Variants in TNR observed in about 807,000 individuals in gnomAD.
TNR encodes tenascin-R.
Under a neutral mutation model 150.4 loss-of-function variants are expected in TNR, and 45 were observed. That is an observed-to-expected ratio of 0.30 (90% CI 0.24 to 0.38). The LOEUF is 0.38. TNR is among the 10% of genes least tolerant of loss of function. TNR has a pLI of 1.00. For missense variants in TNR, 1,544 were observed against 1,759.1 expected, an observed-to-expected ratio of 0.88 and a Z score of 2.19; for synonymous variants, 687 against 678.4, an observed-to-expected ratio of 1.01 and a Z score of -0.20.
chr1:175,588,322 T>C (rs1454388520), intron 1 of TNR, among the ~76,000 whole-genome samples: 3 of 152,198 alleles, frequency 2.0e-5, no homozygotes, highest in East Asian at 1.9e-4. Context: ...TTGGATGATA[T>C]GAAAGGGTAA....
In TNR at chr1:175,406,660, G is replaced by T; in HGVS notation, c.55C>A (p.Leu19Met). The T allele has an allele frequency of 6.2e-7, 1 of 1,614,204 alleles. No individual in the cohort carries two copies. Among genetic ancestry groups the T allele is most frequent in the Non-Finnish European group, 8.5e-7 (1 of 1,180,046 alleles). Reference sequence around the variant, plus strand: ...TTGATCATGGAGCCCAGAAGGATCAGGTTGATGCCAATGAGCATGTTCTTC... The same window carrying T: ...TTGATCATGGAGCCCAGAAGGATCATGTTGATGCCAATGAGCATGTTCTTC... ...VLKNMLIGINLILLGSMIKPS... is the reference protein window; with the variant it reads ...VLKNMLIGINMILLGSMIKPS... Residue 19 changes from leucine to methionine, a missense_variant, in exon 3 of 23, where the codon CTG becomes ATG. Transcript: ENST00000367674.
chr1:175,399,797 G>T (rs1021991240), intron 4 of TNR, among the ~76,000 whole-genome samples: 2 of 152,194 alleles, frequency 1.3e-5, no homozygotes, highest in Non-Finnish European at 2.9e-5. Flanking sequence ...AATCAGGGTT[G>T]CTTATCTGCA....
intron 2 of TNR, among the ~76,000 whole-genome samples, chr1:175,414,534 A>G (rs115044876): frequency 3.4e-3 from 517 of 152,318 alleles, no homozygotes; most frequent in African/African-American, 8.3e-3. Context: ...CCATTGATTC[A>G]TGTCCTCCAC....
intron 19 of TNR, among the ~76,000 whole-genome samples, chr1:175,336,848 C>T (rs1453510187): frequency 6.6e-6 from 1 of 152,196 alleles, no homozygotes; most frequent in Non-Finnish European, 1.5e-5. Context: ...TGGTGGTGAT[C>T]ACCTCCTCAT....
intron 1 of TNR, among the ~76,000 whole-genome samples, chr1:175,695,429 C>T (rs1242360699): frequency 1.3e-5 from 2 of 151,178 alleles, no homozygotes; most frequent in African/African-American, 2.5e-5. Context: ...CTCCACAATC[C>T]CTGACCCACA....
chr1:175,485,925 T>C (rs1214215495), intron 2 of TNR, among the ~76,000 whole-genome samples: 4 of 152,176 alleles, frequency 2.6e-5, no homozygotes, highest in Non-Finnish European at 5.9e-5. Context: ...CGTATTGTCA[T>C]CACCATCCTT....
intron 2 of TNR, among the ~76,000 whole-genome samples, chr1:175,505,549 A>G (rs1571535224): frequency 6.6e-6 from 1 of 152,308 alleles, no homozygotes; most frequent in African/African-American, 2.4e-5. Flanking sequence ...AGATCCCTTC[A>G]AGACATTACC....
At chr1:175,625,791 T>G (rs1664133052) in intron 1 of TNR, among the ~76,000 whole-genome samples, 1 of 152,218 alleles carries the variant, frequency 6.6e-6, no homozygotes. Context: ...CAAGGGTCTC[T>G]GAGCCTTCTA....
At chr1:175,590,001 AT>A (rs72245661) in intron 1 of TNR, among the ~76,000 whole-genome samples, 2,556 of 152,210 alleles carry the variant, frequency 0.017, 65 homozygotes, top group African/African-American at 0.059. Flanking sequence ...TATAATAATA[AT>A]AAAAAAAAGA....
intron 1 of TNR, among the ~76,000 whole-genome samples, chr1:175,582,715 G>A (rs1363538750): frequency 6.6e-6 from 1 of 150,678 alleles, no homozygotes; most frequent in Admixed American, 6.6e-5. Flanking sequence ...TAGATGAAAG[G>A]TGTAATGGTT....
chr1:175,324,021 A>C (rs1649216560), intron 22 of TNR, among the ~76,000 whole-genome samples: 1 of 152,060 alleles, frequency 6.6e-6, no homozygotes, highest in Non-Finnish European at 1.5e-5. Context: ...TCCAGTTCAC[A>C]CTGGTATTTT....
At chr1:175,473,499 G>A (rs556319513) in intron 2 of TNR, among the ~76,000 whole-genome samples, 1 of 152,302 alleles carries the variant, frequency 6.6e-6, no homozygotes, top group Admixed American at 6.5e-5. Flanking sequence ...CTCTCTTAGG[G>A]AATGGAAGCT....
chr1:175,476,454 T>G (rs1188161364), intron 2 of TNR, among the ~76,000 whole-genome samples: 1 of 152,192 alleles, frequency 6.6e-6, no homozygotes, highest in Non-Finnish European at 1.5e-5. Context: ...CTTTCCCATC[T>G]GACATCTCAT....
At chr1:175,733,539 T>A (rs1667695950) in intron 1 of TNR, among the ~76,000 whole-genome samples, 1 of 152,076 alleles carries the variant, frequency 6.6e-6, no homozygotes, top group East Asian at 1.9e-4. Context: ...CTCACTAAAT[T>A]AAGCTGACAA....
chr1:175,708,665 GC>G (rs772771530), intron 1 of TNR, among the ~76,000 whole-genome samples: 8 of 152,124 alleles, frequency 5.3e-5, no homozygotes, highest in Non-Finnish European at 1.2e-4. Flanking sequence ...GTCAAGACTG[GC>G]CACTGCGATG....
rs565797673 is a variant in TNR, at chr1:175,693,221, G to A, written c.-165+50005C>T. 1.2e-4 allele frequency among the ~76,000 whole-genome samples: 19 copies of A among 152,308 alleles called. No homozygotes were observed. The South Asian group carries it at 3.9e-3, about 32-fold the overall frequency. On this transcript the variant is annotated intron_variant, in intron 1 of 22. Transcript: ENST00000367674. ...CTTGCTCTCTGTTACCTCTCCAGGAGTCTCTGAGGCTGGAGTGGCCACACT... is the reference window on the plus strand; with the variant it reads ...CTTGCTCTCTGTTACCTCTCCAGGAATCTCTGAGGCTGGAGTGGCCACACT...
intron 2 of TNR, among the ~76,000 whole-genome samples, chr1:175,439,402 G>T (rs890858147): frequency 1.3e-5 from 2 of 152,014 alleles, no homozygotes; most frequent in Middle Eastern, 6.8e-3. Context: ...TTAAATGTTA[G>T]ACCTAAAACC....
At chr1:175,328,709 T>C (rs758378806) in intron 21 of TNR, among the ~76,000 whole-genome samples, 3 of 152,176 alleles carry the variant, frequency 2.0e-5, no homozygotes, top group Non-Finnish European at 4.4e-5. Context: ...ACAGTCCAAC[T>C]GTTCTGGCCT....
At chr1:175,326,386 TCA>T (rs1357093637) in intron 21 of TNR, among the ~76,000 whole-genome samples, 2 of 152,188 alleles carry the variant, frequency 1.3e-5, no homozygotes, top group Non-Finnish European at 2.9e-5. Context: ...GAGTCCAGGC[TCA>T]CAGGGCCACT....
Sources: allele counts gnomAD v4.1 joint callset (sites outside exome capture counted in the v4.1 genomes callset), GRCh38; gene constraint gnomAD v4.1.1; transcripts MANE v1.5; gene names NCBI Gene and HGNC (gene_info 2026-07-23, HGNC 2026-07-21).